GPHN: variants seen among roughly 807,000 people sequenced by gnomAD.
GPHN encodes the protein gephyrin.
Under a neutral mutation model 95.5 loss-of-function variants are expected in GPHN, and 17 were observed. The ratio of observed to expected loss-of-function variants is 0.18; its 90% CI spans 0.12 to 0.27. The LOEUF (loss-of-function observed/expected upper bound fraction) is 0.27, where lower values mean the gene tolerates loss of function less well. Among genes scored for constraint, GPHN ranks in the 10% least tolerant of loss-of-function variants. The pLI, the probability that GPHN is intolerant of heterozygous loss-of-function variation, is 1.00. For missense variants in GPHN, 660 were observed against 978.1 expected (o/e 0.67, Z 4.34); for synonymous variants, 320 against 322.5 (o/e 0.99, Z 0.08).
chr14:67,281,255 T>C, the GPHN span, among the ~76,000 whole-genome samples: 1 of 152,154 alleles, frequency 6.6e-6, no homozygotes, highest in South Asian at 2.1e-4. Flanking sequence ...TATAAATTTT[T>C]ATTCAGGATC....
the GPHN span, chr14:67,695,738 T>C: frequency 1.3e-4 from 212 of 1,603,742 alleles, 3 homozygotes; most frequent in South Asian, 2.0e-3. Flanking sequence ...AGCGGGATGC[T>C]CCAGCGTTGC....
intron 2 of GPHN, among the ~76,000 whole-genome samples, chr14:66,695,819 T>C (rs1287727284): frequency 1.3e-5 from 2 of 152,122 alleles, no homozygotes; most frequent in Non-Finnish European, 2.9e-5. Context: ...ACTATGAAGA[T>C]AGTAAAAGAA....
chr14:67,128,709 G>A (rs1269651956), intron 17 of GPHN, among the ~76,000 whole-genome samples: 1 of 152,082 alleles, frequency 6.6e-6, no homozygotes, highest in Admixed American at 6.5e-5. Context: ...GGCCAAGGCA[G>A]GTGGATCACA....
At chr14:66,792,529 T>TA (rs1431495103) in intron 3 of GPHN, among the ~76,000 whole-genome samples, 3 of 151,642 alleles carry the variant, frequency 2.0e-5, no homozygotes, top group Non-Finnish European at 4.4e-5. Context: ...ATACTATTTT[T>TA]AAAAAATGAA....
chr14:67,349,164 C>A, the GPHN span: 1 of 1,492,450 alleles, frequency 6.7e-7, no homozygotes, highest in Non-Finnish European at 9.3e-7. Context: ...CTACAGGGAC[C>A]CACTGGATAG....
At chr14:67,553,381 A>G in the GPHN span, among the ~76,000 whole-genome samples, 1 of 152,144 alleles carries the variant, frequency 6.6e-6, no homozygotes, top group Non-Finnish European at 1.5e-5. Flanking sequence ...GTGGGTAAAA[A>G]AAAAACCCCA....
the GPHN span, among the ~76,000 whole-genome samples, chr14:67,231,149 G>A: frequency 6.6e-6 from 1 of 152,078 alleles, no homozygotes; most frequent in Non-Finnish European, 1.5e-5. Context: ...ACAACACATG[G>A]GTGAACCTTA....
the GPHN span, among the ~76,000 whole-genome samples, chr14:67,574,771 G>C: frequency 1.3e-5 from 2 of 152,002 alleles, no homozygotes; most frequent in African/African-American, 2.4e-5. The surrounding 1 kb of genome is among the most constrained non-coding windows in gnomAD (Gnocchi z 4.2). Context: ...AAGACTTAAA[G>C]TATCCCAGGC....
intron 14 of GPHN, among the ~76,000 whole-genome samples, chr14:67,110,699 C>T (rs2078316470): frequency 6.6e-6 from 1 of 152,078 alleles, no homozygotes; most frequent in African/African-American, 2.4e-5. Context: ...TCAGAATTTA[C>T]TAGAGAAGAA....
the GPHN span, among the ~76,000 whole-genome samples, chr14:67,683,514 C>A: frequency 6.6e-6 from 1 of 152,162 alleles, no homozygotes. Flanking sequence ...TACTTTGTTT[C>A]GGCAATAGCA....
the GPHN span, among the ~76,000 whole-genome samples, chr14:67,481,238 G>A: frequency 5.9e-5 from 9 of 152,192 alleles, no homozygotes; most frequent in Non-Finnish European, 1.2e-4. Context: ...AGCTATGATT[G>A]TGCCACTGCA....
chr14:66,569,030 A>G (rs1416219392), intron 1 of GPHN, among the ~76,000 whole-genome samples: 1 of 152,196 alleles, frequency 6.6e-6, no homozygotes, highest in Non-Finnish European at 1.5e-5. Context: ...AACTAAATAT[A>G]AATCATATTC....
chr14:67,057,057 C>T lies in GPHN; in HGVS notation c.1007-1592C>T, dbSNP rs111887502. Among the ~76,000 whole-genome samples, 468 of 152,254 alleles carry T rather than the reference C, an allele frequency of 3.1e-3. 5 individuals are homozygous for T. Among genetic ancestry groups the T allele is most frequent in the African/African-American group, 0.011 (447 of 41,534 alleles). On this transcript the variant is annotated intron_variant, in intron 10 of 22. Coordinates refer to ENST00000478722, the MANE Select transcript of GPHN (RefSeq NM_020806.5). ...CCACAGCCCCAGTTCCCACCCACGC[C>T]TCTCCCTCCACACCTCCCTGCAAGC...
chr14:67,391,024 C>T, the GPHN span, among the ~76,000 whole-genome samples: 1 of 152,116 alleles, frequency 6.6e-6, no homozygotes, highest in Non-Finnish European at 1.5e-5. Context: ...ACACACAATA[C>T]TCAGGGCATA....
At chr14:67,130,209 G>A (rs550143812) in intron 17 of GPHN, among the ~76,000 whole-genome samples, 6 of 152,144 alleles carry the variant, frequency 3.9e-5, no homozygotes, top group Non-Finnish European at 7.4e-5. Context: ...CAATGATCAC[G>A]TCACCCAGGT....
intron 1 of GPHN, among the ~76,000 whole-genome samples, chr14:66,549,646 G>A (rs536066084): frequency 1.3e-5 from 2 of 152,142 alleles, no homozygotes; most frequent in Non-Finnish European, 2.9e-5. Context: ...CGAAACTACA[G>A]ATTTTCAATA....
At chr14:67,438,588 C>T in the GPHN span, among the ~76,000 whole-genome samples, 6 of 152,000 alleles carry the variant, frequency 3.9e-5, no homozygotes, top group African/African-American at 9.7e-5. Context: ...TGGCTGGGTG[C>T]GGTGGCTCAC....
chr14:67,592,992 G>A, the GPHN span, among the ~76,000 whole-genome samples: 3 of 152,142 alleles, frequency 2.0e-5, no homozygotes, highest in Admixed American at 6.5e-5. Context: ...TCACCATGTT[G>A]GTCAGGCTGG....
At chr14:66,949,235 C>G (rs982464610) in intron 8 of GPHN, among the ~76,000 whole-genome samples, 56 of 152,240 alleles carry the variant, frequency 3.7e-4, no homozygotes, top group African/African-American at 1.2e-3. Context: ...CAGGCACATG[C>G]AATCACACGC....
Sources: gnomAD v4.1 joint callset for allele counts (sites outside exome capture counted in the v4.1 genomes callset) on GRCh38, gnomAD v4.1.1 for gene constraint, Gnocchi (gnomAD v3.1) non-coding constraint, MANE v1.5 for transcripts, NCBI Gene and HGNC (gene_info 2026-07-23, HGNC 2026-07-21) for gene names.